The following MCEE variants were observed in gnomAD, a reference collection of about 807,000 sequenced individuals.
MCEE encodes methylmalonyl-CoA epimerase.
A neutral mutation model predicts 12.9 loss-of-function variants in MCEE; 6 were observed. The ratio of observed to expected loss-of-function variants is 0.47; its 90% CI spans 0.26 to 0.92. The LOEUF is 0.92. Ranked by LOEUF, MCEE falls within the 40% of genes least tolerant of loss-of-function variation. The pLI, the probability that MCEE is intolerant of heterozygous loss-of-function variation, is 0.16. For synonymous variants in MCEE, 78 were observed against 77.9 expected (o/e 1.00, Z -0.01); for missense variants, 214 against 212.1 (o/e 1.01, Z -0.05).
chr2:71,119,202 A>G (rs6546677), intron 2 of MCEE, among the ~76,000 whole-genome samples: 44,551 of 149,844 alleles, frequency 0.3, 9,173 homozygotes, highest in East Asian at 0.66. Flanking sequence ...GAAATGCATC[A>G]CTAGGCAATT....
intron 2 of MCEE, chr2:71,116,956 C>T (rs1214457431): frequency 1.3e-5 from 2 of 150,574 alleles, no homozygotes; most frequent in African/African-American, 2.5e-5. Flanking sequence ...ATAACTCTAA[C>T]CTTAAGGTAT....
In MCEE at chr2:71,127,849, C is replaced by T. The variant is rs537042828; in HGVS notation, c.40+2331G>A. Among the ~76,000 whole-genome samples the T allele has an allele frequency of 2.6e-5, 4 of 152,334 alleles. No individual in the cohort carries two copies. In the South Asian group the frequency reaches 6.2e-4, roughly 24 times the overall value. On this transcript the variant is annotated intron_variant, in intron 1 of 2. Transcript: ENST00000244217. ...CCATGTTGGCCAGGCTGGTCTTGAA[C>T]TCCTGACCTCAGGTGATCCACCTTC...
chr2:71,112,841 A>G (rs1672917879), intron 2 of MCEE, among the ~76,000 whole-genome samples: 2 of 152,136 alleles, frequency 1.3e-5, no homozygotes, highest in Non-Finnish European at 2.9e-5. Flanking sequence ...TATTTTTTCA[A>G]TTACTGCTTC....
chr2:71,121,428 C>T (rs1673099334), intron 2 of MCEE, among the ~76,000 whole-genome samples: 1 of 152,132 alleles, frequency 6.6e-6, no homozygotes, highest in Admixed American at 6.6e-5. Context: ...CTTGTTAAGC[C>T]ACTTAATTTT....
At chr2:71,122,666 G>T (rs756672801) in intron 2 of MCEE, among the ~76,000 whole-genome samples, 23 of 152,110 alleles carry the variant, frequency 1.5e-4, no homozygotes, top group Non-Finnish European at 2.9e-5. Flanking sequence ...AGAACAGCAC[G>T]GAAAGACCTG....
chr2:71,128,492 T>TAC (rs1267150891), intron 1 of MCEE, among the ~76,000 whole-genome samples: 3 of 151,968 alleles, frequency 2.0e-5, no homozygotes, highest in Non-Finnish European at 4.4e-5. Flanking sequence ...AAATGTGGTA[T>TAC]ACACACACAA....
intron 2 of MCEE, among the ~76,000 whole-genome samples, chr2:71,119,105 G>A (rs1456896087): frequency 6.7e-6 from 1 of 150,338 alleles, no homozygotes; most frequent in Non-Finnish European, 1.5e-5. Context: ...AGGAGTCATA[G>A]GTACTCAATA....
At chr2:71,128,956 G>T (rs1194114301) in intron 1 of MCEE, among the ~76,000 whole-genome samples, 1 of 149,104 alleles carries the variant, frequency 6.7e-6, no homozygotes, top group Non-Finnish European at 1.5e-5. Context: ...CTGCACTCCA[G>T]CCTGGGCGAC....
intron 2 of MCEE, among the ~76,000 whole-genome samples, chr2:71,119,090 T>C (rs1197890954): frequency 1.3e-5 from 2 of 150,084 alleles, no homozygotes; most frequent in East Asian, 3.9e-4. Context: ...AGGGAAGGAA[T>C]GGGGAGGAGT....
At chr2:71,122,323 C>T (rs1673114915) in intron 2 of MCEE, among the ~76,000 whole-genome samples, 1 of 152,084 alleles carries the variant, frequency 6.6e-6, no homozygotes, top group African/African-American at 2.4e-5. Context: ...TTAGTAGAGA[C>T]ACGGTTTTGC....
intron 2 of MCEE, among the ~76,000 whole-genome samples, chr2:71,122,907 A>C (rs1673126802): frequency 6.6e-6 from 1 of 152,226 alleles, no homozygotes; most frequent in Non-Finnish European, 1.5e-5. Flanking sequence ...ATTGTAACTT[A>C]TGCTCTGTGA....
In MCEE at chr2:71,117,505, A is replaced by G. The variant is rs1023877714; in HGVS notation, c.378+6701T>C. ...GAAGAACAAACATTACCCAGTATGT[A>G]GGAAATGAGTTACCTCACTAGCCTG... On this transcript the variant is annotated intron_variant, in intron 2 of 2. Transcript: ENST00000244217. 3 of 150,524 alleles carry G rather than the reference A, an allele frequency of 2.0e-5. No individual in the cohort carries two copies. In the East Asian group the frequency reaches 5.8e-4, roughly 29 times the overall value. 9.3% of individuals were successfully genotyped at this position (150,524 alleles called of 1,614,324 possible). A position where few individuals can be genotyped will look rare whatever the true frequency, so the allele number is the denominator to read the frequency against.
intron 1 of MCEE, among the ~76,000 whole-genome samples, chr2:71,128,387 T>C (rs534620498): frequency 6.6e-6 from 1 of 152,292 alleles, no homozygotes; most frequent in African/African-American, 2.4e-5. Context: ...AAGCGGGAAT[T>C]CAGAAGTATT....
At chr2:71,129,243 A>G (rs1673309695) in intron 1 of MCEE, among the ~76,000 whole-genome samples, 1 of 152,184 alleles carries the variant, frequency 6.6e-6, no homozygotes, top group Admixed American at 6.5e-5. Flanking sequence ...TCAATCATTA[A>G]AGTGTGCAGT....
At chr2:71,129,874 C>T (rs1213741465) in intron 1 of MCEE, 1 of 528,314 alleles carries the variant, frequency 1.9e-6, no homozygotes, top group South Asian at 2.0e-5. Context: ...TACTTCTGTC[C>T]CTGCCCTGCC....
chr2:71,118,746 C>T (rs1321819460), intron 2 of MCEE, among the ~76,000 whole-genome samples: 3 of 150,160 alleles, frequency 2.0e-5, no homozygotes, highest in Admixed American at 2.0e-4. Context: ...AACACCATCA[C>T]TTTGGGGTTA....
Position 71,130,200 on chromosome 2 carries a change from G to GC in MCEE, c.19dup (p.Ala7GlyfsTer60). 1.2e-6 allele frequency: 2 copies of GC among 1,608,218 alleles called. No homozygotes were observed. Among genetic ancestry groups the GC allele is most frequent in the Non-Finnish European group, 1.7e-6 (2 of 1,178,280 alleles). On this transcript the variant is annotated frameshift_variant, in exon 1 of 3. Transcript: ENST00000244217. LOFTEE classifies it high-confidence loss of function. The stretch of plus-strand genomic sequence containing the variant: ...TTCACCTACGGCATTCGCGGCTGCA[G>GC]CCTTCAGCACCCGCGCCATTTTGGA...
rs778353525 is a variant in MCEE at position 71,124,320 on chromosome 2, A to G, written c.264T>C (p.Phe88=). The G allele has an allele frequency of 1.9e-6, 3 of 1,614,198 alleles. No homozygotes were observed. The highest frequency in any genetic ancestry group is 2.2e-5 in the South Asian group (2 of 91,082). Residue 88 remains phenylalanine (F), a synonymous_variant, in exon 2 of 3, where the codon TTT becomes TTC. Transcript: ENST00000244217. ...CCATCTTGGTATTTCCCAGGTTGAC[A>G]AAAACAACAGATACTCCATGTTCAG... ...PLPEHGVSVV[F]VNLGNTKMEL... is the part of the protein sequence containing the mutation.
chr2:71,126,429 T>C (rs1276311042), intron 1 of MCEE, among the ~76,000 whole-genome samples: 2 of 152,000 alleles, frequency 1.3e-5, no homozygotes, highest in African/African-American at 2.4e-5. Context: ...GGTTTCACCA[T>C]GTTGGCCAGG....
Sources: allele counts gnomAD v4.1 joint callset (sites outside exome capture counted in the v4.1 genomes callset), GRCh38; gene constraint gnomAD v4.1.1; transcripts MANE v1.5; gene names NCBI Gene and HGNC (gene_info 2026-07-23, HGNC 2026-07-21).